The following ITFG1 variants were observed in gnomAD, a reference collection of about 807,000 sequenced individuals.
ITFG1 encodes T-cell immunomodulatory protein.
ITFG1 carries 34 observed loss-of-function variants against 81.8 expected under a neutral mutation model. The ratio of observed to expected loss-of-function variants is 0.42; its 90% CI spans 0.32 to 0.55. The LOEUF is 0.55. Among genes scored for constraint, ITFG1 ranks in the 20% least tolerant of loss-of-function variants. ITFG1 has a pLI of 0.17. For synonymous variants in ITFG1, 285 were observed against 270.6 expected (o/e 1.05, Z -0.52); for missense variants, 672 against 755.4 (o/e 0.89, Z 1.29).
chr16:47,330,783 C>T (rs1365185674), intron 8 of ITFG1, among the ~76,000 whole-genome samples: 1 of 152,132 alleles, frequency 6.6e-6, no homozygotes, highest in Non-Finnish European at 1.5e-5. Flanking sequence ...TACCACCTCA[C>T]ACCAGTCAGA....
chr16:47,334,223 T>G (rs1435052078), intron 8 of ITFG1, among the ~76,000 whole-genome samples: 1 of 152,116 alleles, frequency 6.6e-6, no homozygotes, highest in Non-Finnish European at 1.5e-5. Flanking sequence ...CTGAAGCAGG[T>G]GGACTGCTTG....
intron 14 of ITFG1, among the ~76,000 whole-genome samples, chr16:47,185,016 T>C (rs1443660652): frequency 6.6e-6 from 1 of 150,394 alleles, no homozygotes; most frequent in Admixed American, 6.6e-5. Flanking sequence ...CCAACAAAGA[T>C]CAAAAGAGAC....
chr16:47,320,053 C>T (rs1416437194), intron 8 of ITFG1, among the ~76,000 whole-genome samples: 1 of 152,096 alleles, frequency 6.6e-6, no homozygotes, highest in African/African-American at 2.4e-5. Context: ...TCCCAAGTAC[C>T]CAGGATTATG....
intron 14 of ITFG1, among the ~76,000 whole-genome samples, chr16:47,167,448 A>G (rs1964906685): frequency 6.6e-6 from 1 of 152,174 alleles, no homozygotes; most frequent in Non-Finnish European, 1.5e-5. Context: ...TTCCACCACA[A>G]AAGAAGTAAA....
chr16:47,312,204 A>T (rs1360961807), intron 9 of ITFG1: 2 of 152,206 alleles, frequency 1.3e-5, no homozygotes, highest in Non-Finnish European at 2.9e-5. Context: ...CATGCCATTA[A>T]AGTTATAGTT....
At chr16:47,350,510 C>A (rs143413237) in intron 8 of ITFG1, among the ~76,000 whole-genome samples, 1 of 152,166 alleles carries the variant, frequency 6.6e-6, no homozygotes, top group Non-Finnish European at 1.5e-5. Context: ...CAAGACTAAA[C>A]CAGGAAGAAG....
intron 10 of ITFG1, among the ~76,000 whole-genome samples, chr16:47,293,164 AAT>A (rs1329820903): frequency 1.4e-5 from 2 of 147,542 alleles, no homozygotes; most frequent in Non-Finnish European, 1.5e-5. Context: ...CATGATATAT[AAT>A]ATATATCATA....
At chr16:47,456,588 A>C (rs913359106) in intron 2 of ITFG1, among the ~76,000 whole-genome samples, 2 of 151,386 alleles carry the variant, frequency 1.3e-5, no homozygotes, top group African/African-American at 4.9e-5. Context: ...GCTACTCAGG[A>C]GGCTGAGGCA....
At chr16:47,320,138 C>T (rs1967427019) in intron 8 of ITFG1, among the ~76,000 whole-genome samples, 3 of 152,184 alleles carry the variant, frequency 2.0e-5, no homozygotes, top group African/African-American at 4.8e-5. Context: ...AGAGGTTACA[C>T]CAATACCTCA....
chr16:47,404,781 AT>A (rs954186526), intron 6 of ITFG1, among the ~76,000 whole-genome samples: 5 of 152,036 alleles, frequency 3.3e-5, no homozygotes, highest in African/African-American at 1.2e-4. Flanking sequence ...TAGTTCTTTA[AT>A]TTTGTTCACT....
chr16:47,321,666 C>T (rs1245208099), intron 8 of ITFG1, among the ~76,000 whole-genome samples: 1 of 152,114 alleles, frequency 6.6e-6, no homozygotes, highest in Non-Finnish European at 1.5e-5. Context: ...GGGCACTGCA[C>T]TCCAGCCTGG....
At chr16:47,286,094 G>A (rs766363633) in intron 10 of ITFG1, among the ~76,000 whole-genome samples, 1 of 152,142 alleles carries the variant, frequency 6.6e-6, no homozygotes, top group East Asian at 1.9e-4. Context: ...CCCTGGGAAG[G>A]AGATCTGAGA....
At chr16:47,328,271 T>C (rs1023980266) in intron 8 of ITFG1, among the ~76,000 whole-genome samples, 2 of 151,694 alleles carry the variant, frequency 1.3e-5, no homozygotes, top group Non-Finnish European at 2.9e-5. Flanking sequence ...AACTGAACAA[T>C]GAGAACACAT....
At chr16:47,256,238 G>A (rs1031604832) in intron 12 of ITFG1, among the ~76,000 whole-genome samples, 3 of 152,118 alleles carry the variant, frequency 2.0e-5, no homozygotes, top group African/African-American at 7.2e-5. Flanking sequence ...GTGCTGGGAG[G>A]ACTGATTTTT....
intron 5 of ITFG1, among the ~76,000 whole-genome samples, chr16:47,430,489 G>A (rs1452225272): frequency 6.6e-6 from 1 of 152,078 alleles, no homozygotes; most frequent in African/African-American, 2.4e-5. Flanking sequence ...GCAAGGCCAT[G>A]AAAATTTGCC....
intron 10 of ITFG1, among the ~76,000 whole-genome samples, chr16:47,302,985 C>A (rs190152994): frequency 6.6e-6 from 1 of 152,214 alleles, no homozygotes; most frequent in East Asian, 1.9e-4. Flanking sequence ...GAAAAATAGA[C>A]GATAGGCTGG....
At chr16:47,176,622 TTTGTTATA>T (rs1965027591) in intron 14 of ITFG1, among the ~76,000 whole-genome samples, 1 of 152,232 alleles carries the variant, frequency 6.6e-6, no homozygotes, top group African/African-American at 2.4e-5. Context: ...GAATCATACA[TTTGTTATA>T]TTGTCACATC....
intron 5 of ITFG1, among the ~76,000 whole-genome samples, chr16:47,440,474 A>G (rs187774258): frequency 6.6e-5 from 10 of 152,388 alleles, no homozygotes; most frequent in Admixed American, 5.2e-4. Flanking sequence ...AACAGACATT[A>G]TAACAAACTG....
chr16:47,301,406 C>A (rs1236527013), intron 10 of ITFG1, among the ~76,000 whole-genome samples: 1 of 150,894 alleles, frequency 6.6e-6, no homozygotes, highest in Non-Finnish European at 1.5e-5. Context: ...TCTTCTTCTT[C>A]TTCTTTTTTT....
Sources: allele counts gnomAD v4.1 joint callset (sites outside exome capture counted in the v4.1 genomes callset), GRCh38; gene constraint gnomAD v4.1.1; transcripts MANE v1.5; gene names NCBI Gene and HGNC (gene_info 2026-07-23, HGNC 2026-07-21).